FAM83D: variants seen among roughly 807,000 people sequenced by gnomAD.
FAM83D encodes the protein protein FAM83D.
FAM83D carries 26 observed loss-of-function variants against 25.4 expected under a neutral mutation model. That is an observed-to-expected ratio of 1.02 (90% CI 0.75 to 1.42). The LOEUF (loss-of-function observed/expected upper bound fraction) is 1.42. Among genes scored for constraint, FAM83D ranks in the 40% most tolerant of loss-of-function variants. FAM83D has a pLI of 0.00. For synonymous variants in FAM83D, 310 were observed against 318.5 expected (o/e 0.97, Z 0.28); for missense variants, 740 against 758.1 (o/e 0.98, Z 0.28).
At chr20:38,950,147 T>C (rs1164925484) in intron 3 of FAM83D, among the ~76,000 whole-genome samples, 6 of 152,158 alleles carry the variant, frequency 3.9e-5, no homozygotes, top group Non-Finnish European at 7.4e-5. Flanking sequence ...ATATGGCCTT[T>C]AGTAGCTGTC....
chr20:38,950,311 A>G (rs2085747568), intron 3 of FAM83D, among the ~76,000 whole-genome samples: 3 of 152,212 alleles, frequency 2.0e-5, no homozygotes, highest in Admixed American at 1.3e-4. Flanking sequence ...AGGGAATAGG[A>G]TACTCTGGCC....
chr20:38,950,837 C>T (rs1307975363), intron 3 of FAM83D, among the ~76,000 whole-genome samples: 1 of 149,098 alleles, frequency 6.7e-6, no homozygotes, highest in Non-Finnish European at 1.5e-5. Context: ...GATGGAGTCT[C>T]GCCCAGTCAT....
In FAM83D at chr20:38,952,819, A is replaced by G. The variant is rs1365521329; in HGVS notation, c.*299A>G. On this transcript the variant is annotated 3_prime_UTR_variant, in exon 4 of 4. Coordinates refer to ENST00000619850, the MANE Select transcript of FAM83D (RefSeq NM_030919.3). ...AATGACAGACCACGTATATGTTGGC[A>G]GTCTCATAAGATTATAATACTGTAT... is the stretch of plus-strand genomic sequence containing the variant. The G allele has an allele frequency of 1.3e-5, 5 of 387,554 alleles. No homozygotes were observed. The highest frequency in any genetic ancestry group is 1.9e-5 in the Non-Finnish European group (4 of 214,896). 24.0% of individuals were successfully genotyped at this position (387,554 alleles called of 1,614,324 possible).
chr20:38,949,153 T>C (rs758177576), intron 3 of FAM83D, among the ~76,000 whole-genome samples: 1 of 148,454 alleles, frequency 6.7e-6, no homozygotes, highest in Non-Finnish European at 1.5e-5. Flanking sequence ...CATTATCTCA[T>C]TGAAGGCTTT....
intron 3 of FAM83D, among the ~76,000 whole-genome samples, chr20:38,950,088 T>C (rs1474686736): frequency 6.6e-6 from 1 of 152,044 alleles, no homozygotes; most frequent in Non-Finnish European, 1.5e-5. Context: ...CCCAAAGTGC[T>C]GGGATGATAG....
chr20:38,947,833 T>C (rs368080420), intron 2 of FAM83D, 43 bp from the exon 3 acceptor site: 7 of 1,607,912 alleles, frequency 4.4e-6, no homozygotes, highest in Non-Finnish European at 5.1e-6. Flanking sequence ...AGATGAGTAT[T>C]GCTGAATTGT....
At chr20:38,929,677 C>T (rs2085651040) in intron 1 of FAM83D, among the ~76,000 whole-genome samples, 1 of 151,072 alleles carries the variant, frequency 6.6e-6, no homozygotes, top group Non-Finnish European at 1.5e-5. Context: ...ACTCAGGAGG[C>T]TGAGGCAGGA....
intron 1 of FAM83D, among the ~76,000 whole-genome samples, chr20:38,930,880 C>T (rs1176176705): frequency 6.6e-6 from 1 of 152,224 alleles, no homozygotes; most frequent in Non-Finnish European, 1.5e-5. Flanking sequence ...TCGCGATCTG[C>T]CTGCCTCAGC....
At chr20:38,943,577 C>G (rs1167554714) in intron 2 of FAM83D, among the ~76,000 whole-genome samples, 1 of 152,174 alleles carries the variant, frequency 6.6e-6, no homozygotes, top group Non-Finnish European at 1.5e-5. Flanking sequence ...TTCTCTGATT[C>G]TGAAAATGAC....
At chr20:38,928,605 C>T (rs562286219) in intron 1 of FAM83D, among the ~76,000 whole-genome samples, 3 of 152,250 alleles carry the variant, frequency 2.0e-5, no homozygotes, top group African/African-American at 7.2e-5. Context: ...ATAGTGAGAG[C>T]TGTGGATTGT....
At chr20:38,942,531 T>G (rs1181797095) in intron 2 of FAM83D, among the ~76,000 whole-genome samples, 1 of 152,226 alleles carries the variant, frequency 6.6e-6, no homozygotes, top group African/African-American at 2.4e-5. Context: ...GCAAACGTGC[T>G]AAGTGAAGGA....
At chr20:38,942,429 A>G (rs1484336233) in intron 2 of FAM83D, among the ~76,000 whole-genome samples, 1 of 152,248 alleles carries the variant, frequency 6.6e-6, no homozygotes, top group African/African-American at 2.4e-5. Context: ...TGATAAGTGG[A>G]TAAATGATAT....
chr20:38,934,751 G>C (rs541052412), intron 1 of FAM83D, among the ~76,000 whole-genome samples: 1 of 152,152 alleles, frequency 6.6e-6, no homozygotes, highest in Admixed American at 6.5e-5. Context: ...TGAATGAACC[G>C]ATTCGTCTCT....
chr20:38,939,577 C>T (rs1426891989), intron 1 of FAM83D, among the ~76,000 whole-genome samples: 1 of 152,164 alleles, frequency 6.6e-6, no homozygotes, highest in Non-Finnish European at 1.5e-5. Context: ...TCTCAAACTC[C>T]TGACCTCAGG....
chr20:38,945,445 A>C (rs932475860), intron 2 of FAM83D, among the ~76,000 whole-genome samples: 2 of 152,182 alleles, frequency 1.3e-5, no homozygotes, highest in African/African-American at 4.8e-5. Context: ...AAGAAGTTAC[A>C]AAAATAATAT....
At chr20:38,946,197 C>CAAAAAAAAAAAAAAAAA (rs56740383) in intron 2 of FAM83D, among the ~76,000 whole-genome samples, 2 of 78,552 alleles carry the variant, frequency 2.5e-5, no homozygotes, top group African/African-American at 4.3e-5. Flanking sequence ...GACTCCACCT[C>CAAAAAAAAAAAAAAAAA]AAAAAAAAAA....
At chr20:38,943,944 G>A (rs560705406) in intron 2 of FAM83D, among the ~76,000 whole-genome samples, 53 of 152,226 alleles carry the variant, frequency 3.5e-4, no homozygotes, top group African/African-American at 1.2e-3. Flanking sequence ...CACCCGCCTC[G>A]GCCTCCCAAA....
chr20:38,934,340 A>G (rs1045497804), intron 1 of FAM83D, among the ~76,000 whole-genome samples: 2 of 152,140 alleles, frequency 1.3e-5, no homozygotes, highest in Non-Finnish European at 2.9e-5. Flanking sequence ...CTAAAAATAC[A>G]AAATTAGCTG....
intron 2 of FAM83D, 121 bp from the exon 3 acceptor site, chr20:38,947,755 A>G: frequency 1.7e-6 from 2 of 1,195,108 alleles, no homozygotes; most frequent in Admixed American, 2.0e-5. Context: ...ACCCTAAGCC[A>G]CGCATATGCC....
Sources: gnomAD v4.1 joint callset for allele counts (sites outside exome capture counted in the v4.1 genomes callset) on GRCh38, gnomAD v4.1.1 for gene constraint, MANE v1.5 for transcripts, NCBI Gene and HGNC (gene_info 2026-07-23, HGNC 2026-07-21) for gene names.